The following LARP4B variants were observed in gnomAD, a reference collection of about 807,000 sequenced individuals.
LARP4B encodes la-related protein 4B.
Under a neutral mutation model 89.8 loss-of-function variants are expected in LARP4B, and 12 were observed. The observed-to-expected ratio is 0.13, with a 90% CI of 0.09 to 0.22. The LOEUF (loss-of-function observed/expected upper bound fraction) is 0.22. Ranked by LOEUF, LARP4B falls within the 10% of genes least tolerant of loss-of-function variation. The probability of loss-of-function intolerance (pLI) is 1.00; values close to 1 mark genes in which losing one functional copy is unlikely to be tolerated. For missense variants in LARP4B, 757 were observed against 947.7 expected (o/e 0.80, Z 2.64); for synonymous variants, 367 against 363.3 (o/e 1.01, Z -0.12).
chr10:914,504 A>G lies in LARP4B; in HGVS notation c.-40+16924T>C, dbSNP rs544496142. On this transcript the variant is annotated intron_variant, in intron 1 of 17. Transcript: ENST00000316157. ...ACAGAGGAAGACTCAGCCAAAAAAA[A>G]AAAAAAGTCGAGTGAGGCGTGGTGG... is the stretch of plus-strand genomic sequence containing the variant. 3.7e-3 allele frequency among the ~76,000 whole-genome samples: 539 copies of G among 147,290 alleles called. 4 individuals are homozygous for G. The highest frequency in any genetic ancestry group is 5.0e-3 in the Non-Finnish European group (336 of 67,136).
intron 3 of LARP4B, among the ~76,000 whole-genome samples, chr10:867,571 C>A (rs1834967247): frequency 6.6e-6 from 1 of 152,092 alleles, no homozygotes; most frequent in African/African-American, 2.4e-5. Flanking sequence ...ATCAAGAACT[C>A]CAGCGTCGGC....
At chr10:965,642 T>C in the LARP4B span, among the ~76,000 whole-genome samples, 2 of 151,970 alleles carry the variant, frequency 1.3e-5, no homozygotes, top group Non-Finnish European at 2.9e-5. Flanking sequence ...ATTAGTTACA[T>C]AATCGATGAA....
chr10:842,599 G>A (rs1238160055), intron 7 of LARP4B, among the ~76,000 whole-genome samples: 1 of 152,190 alleles, frequency 6.6e-6, no homozygotes, highest in East Asian at 1.9e-4. Flanking sequence ...TGTAACTAAA[G>A]TGTATTTTAC....
the LARP4B span, among the ~76,000 whole-genome samples, chr10:983,679 C>T: frequency 0.041 from 6,232 of 152,192 alleles, 212 homozygotes; most frequent in Non-Finnish European, 0.062. Flanking sequence ...CTTTTCTGAA[C>T]CGAATTACCT....
At position 865,580 on chromosome 10, in the gene LARP4B, A is replaced by C. The variant is rs556823503; in HGVS notation, c.142-1310T>G. Among the ~76,000 whole-genome samples the C allele has an allele frequency of 9.2e-5, 14 of 152,232 alleles. No homozygotes were observed. The South Asian group carries it at 2.9e-3, about 32-fold the overall frequency. On this transcript the variant is annotated intron_variant, in intron 3 of 17. Coordinates refer to ENST00000316157, the MANE Select transcript of LARP4B (RefSeq NM_015155.3). ...CGTCTGTCCAGAACATCCTGCCCAGAGACTGGGGACTGGTGGTCCTTCCTG... is the reference window on the plus strand; with the variant it reads ...CGTCTGTCCAGAACATCCTGCCCAGCGACTGGGGACTGGTGGTCCTTCCTG...
intron 5 of LARP4B, among the ~76,000 whole-genome samples, chr10:856,798 T>C (rs1834327460): frequency 6.6e-6 from 1 of 152,206 alleles, no homozygotes. Flanking sequence ...AGCACTCTGT[T>C]CTTCTTAACA....
intron 1 of LARP4B, among the ~76,000 whole-genome samples, chr10:914,801 C>G (rs1460251233): frequency 6.7e-6 from 1 of 150,368 alleles, no homozygotes; most frequent in East Asian, 2.0e-4. Flanking sequence ...ACTCAGCGCC[C>G]CACCCGCCCC....
intron 5 of LARP4B, among the ~76,000 whole-genome samples, chr10:860,873 T>TGGGC (rs1211710290): frequency 1.3e-5 from 2 of 152,064 alleles, no homozygotes; most frequent in Non-Finnish European, 2.9e-5. Context: ...AACAGACCAC[T>TGGGC]GGGCCGGGCA....
chr10:965,422 C>T, the LARP4B span, among the ~76,000 whole-genome samples: 3 of 152,198 alleles, frequency 2.0e-5, no homozygotes, highest in East Asian at 5.8e-4. Context: ...ATCTCAAAGA[C>T]ACGGTGCCCG....
At chr10:978,933 C>T in the LARP4B span, among the ~76,000 whole-genome samples, 3 of 151,628 alleles carry the variant, frequency 2.0e-5, no homozygotes, top group Non-Finnish European at 2.9e-5. Context: ...TTGTTTCCCA[C>T]CCCCCCTCCT....
the LARP4B span, among the ~76,000 whole-genome samples, chr10:956,592 G>GCCTCGGTAT: frequency 6.6e-6 from 1 of 151,986 alleles, no homozygotes; most frequent in East Asian, 1.9e-4. This position sits in a 1 kb window ranked among gnomAD's most constrained non-coding sequence, Gnocchi z 4.3. Flanking sequence ...TGATCCGCCC[G>GCCTCGGTAT]CCTCGGTATC....
chr10:819,536 A>G (rs4362075), intron 14 of LARP4B: 54,703 of 152,164 alleles, frequency 0.36, 10,858 homozygotes, highest in South Asian at 0.47. Context: ...TGTAATCAAT[A>G]CAACACTGGG....
chr10:832,264 C>T (rs1343583411), intron 8 of LARP4B, among the ~76,000 whole-genome samples: 3 of 151,920 alleles, frequency 2.0e-5, no homozygotes, highest in Admixed American at 1.3e-4. Context: ...AGGATGGTCT[C>T]GATCTCCTGA....
Position 820,897 on chromosome 10 carries a change from T to C in LARP4B, c.1485-52A>G, listed in dbSNP as rs1832319551. The C allele has an allele frequency of 3.3e-6, 5 of 1,528,120 alleles. No homozygotes were observed. The African/African-American group carries it at 5.5e-5, about 17-fold the overall frequency. 94.7% of individuals were successfully genotyped at this position (1,528,120 alleles called of 1,614,324 possible). A position where few individuals can be genotyped will look rare whatever the true frequency, so the allele number is the denominator to read the frequency against. ...TTATTTTTTTCCCACTTGGAGAATT[T>C]ATTATTGAGCACGTTTGCACTCACA... is the stretch of plus-strand genomic sequence containing the variant. On this transcript the variant is annotated intron_variant, in intron 13 of 17. Transcript: ENST00000316157.
the LARP4B span, among the ~76,000 whole-genome samples, chr10:952,530 G>T: frequency 8.3e-5 from 9 of 108,880 alleles, no homozygotes; most frequent in African/African-American, 3.3e-4. Flanking sequence ...GGAAGAAATC[G>T]CACCAGCCCA....
the LARP4B span, among the ~76,000 whole-genome samples, chr10:969,693 C>T: frequency 1.3e-5 from 2 of 152,000 alleles, no homozygotes; most frequent in South Asian, 4.1e-4. Flanking sequence ...TGCGTCATTG[C>T]ACTCCAGCCG....
chr10:850,760 A>G (rs1834004437), intron 5 of LARP4B, among the ~76,000 whole-genome samples: 1 of 152,244 alleles, frequency 6.6e-6, no homozygotes, highest in Non-Finnish European at 1.5e-5. Flanking sequence ...TTCAAGTCAT[A>G]CAAAGTATGT....
Position 836,481 on chromosome 10 carries a change from T to C in LARP4B, c.672A>G (p.Glu224=), listed in dbSNP as rs1833223662. 1.2e-6 allele frequency: 2 copies of C among 1,612,548 alleles called. No homozygotes were observed. Among genetic ancestry groups the C allele is most frequent in the Admixed American group, 1.7e-5 (1 of 59,996 alleles). The part of the protein sequence containing the change: ...LRSLPLVQVD[E]KGEKVRPNQN... ...GATTTGGCCTTACTTTTTCTCCCTT[T>C]TCATCCACTTGGACTAAAGGTAAAG... is the stretch of plus-strand genomic sequence containing the variant. Residue 224 remains glutamate (E), a synonymous_variant, in exon 8 of 18, where the codon GAA becomes GAG. Transcript: ENST00000316157.
chr10:925,277 G>A (rs1837106752), intron 1 of LARP4B, among the ~76,000 whole-genome samples: 1 of 152,016 alleles, frequency 6.6e-6, no homozygotes, highest in Non-Finnish European at 1.5e-5. Context: ...TGCATCCCTA[G>A]TGTTCAACTG....
Sources: allele counts gnomAD v4.1 joint callset (sites outside exome capture counted in the v4.1 genomes callset), GRCh38; gene constraint gnomAD v4.1.1; non-coding constraint Gnocchi (gnomAD v3.1); transcripts MANE v1.5; gene names NCBI Gene and HGNC (gene_info 2026-07-23, HGNC 2026-07-21).